Variants in NDUFS4 observed in about 807,000 individuals in gnomAD.
NDUFS4 encodes NADH dehydrogenase [ubiquinone] iron-sulfur protein 4, mitochondrial.
A neutral mutation model predicts 24.3 loss-of-function variants in NDUFS4; 28 were observed. That is an observed-to-expected ratio of 1.15 (90% CI 0.85 to 1.58). NDUFS4 has a LOEUF of 1.58. Among genes scored for constraint, NDUFS4 ranks in the 40% most tolerant of loss-of-function variants. NDUFS4 has a pLI of 0.00. For missense variants in NDUFS4, 223 were observed against 207.9 expected (o/e 1.07, Z -0.45); for synonymous variants, 93 against 69.7 (o/e 1.34, Z -1.67).
chr5:53,572,980 T>G (rs1341146524), intron 1 of NDUFS4, among the ~76,000 whole-genome samples: 1 of 148,780 alleles, frequency 6.7e-6, no homozygotes, highest in Non-Finnish European at 1.5e-5. Context: ...GTTTTTTTTT[T>G]TTTTTAAGAG....
At chr5:53,621,981 T>C (rs899683815) in intron 2 of NDUFS4, among the ~76,000 whole-genome samples, 1 of 152,122 alleles carries the variant, frequency 6.6e-6, no homozygotes, top group Non-Finnish European at 1.5e-5. Flanking sequence ...ATTACAGGCG[T>C]GAGCCACCGC....
intron 2 of NDUFS4, among the ~76,000 whole-genome samples, chr5:53,642,057 G>A (rs1751720466): frequency 6.6e-6 from 1 of 152,058 alleles, no homozygotes; most frequent in Non-Finnish European, 1.5e-5. Context: ...GCTTTTCTGG[G>A]CGTACTGAGA....
At chr5:53,647,221 A>G (rs1201560582) in intron 3 of NDUFS4, among the ~76,000 whole-genome samples, 2 of 151,764 alleles carry the variant, frequency 1.3e-5, no homozygotes, top group African/African-American at 4.8e-5. Flanking sequence ...TTTATTTATT[A>G]TTTTCTTTAG....
chr5:53,582,805 C>T (rs1486184286), intron 1 of NDUFS4, among the ~76,000 whole-genome samples: 2 of 152,174 alleles, frequency 1.3e-5, no homozygotes, highest in African/African-American at 4.8e-5. Context: ...ATAGATACTT[C>T]ATATAATAGA....
chr5:53,584,605 G>T (rs900499224), intron 1 of NDUFS4, among the ~76,000 whole-genome samples: 1 of 152,028 alleles, frequency 6.6e-6, no homozygotes, highest in Non-Finnish European at 1.5e-5. Context: ...CTCCCAAAGT[G>T]CTGGGATTAC....
At chr5:53,674,910 T>G (rs1485495139) in intron 4 of NDUFS4, among the ~76,000 whole-genome samples, 1 of 152,138 alleles carries the variant, frequency 6.6e-6, no homozygotes, top group Non-Finnish European at 1.5e-5. Context: ...CCTTGCTGTT[T>G]TATTAAACCA....
intron 4 of NDUFS4, among the ~76,000 whole-genome samples, chr5:53,676,403 C>T (rs1019708248): frequency 1.3e-5 from 2 of 152,178 alleles, no homozygotes. Flanking sequence ...CTGACCAGTA[C>T]ATAACCTTGT....
At chr5:53,676,878 A>G (rs776406961) in intron 4 of NDUFS4, among the ~76,000 whole-genome samples, 12 of 152,120 alleles carry the variant, frequency 7.9e-5, no homozygotes, top group Non-Finnish European at 1.5e-4. Context: ...TTTCCTCCCA[A>G]TGTTTAATCC....
At chr5:53,678,000 A>G (rs1227322935) in intron 4 of NDUFS4, among the ~76,000 whole-genome samples, 2 of 152,230 alleles carry the variant, frequency 1.3e-5, no homozygotes, top group Non-Finnish European at 2.9e-5. Context: ...TTACTGAACC[A>G]TAAATGAAAT....
chr5:53,623,261 G>C (rs1019633400), intron 2 of NDUFS4, among the ~76,000 whole-genome samples: 4 of 152,088 alleles, frequency 2.6e-5, no homozygotes, highest in South Asian at 2.1e-4. Context: ...CAGTTTCTCT[G>C]CATCCTCACC....
chr5:53,591,462 G>GT (rs1554054834), intron 1 of NDUFS4, among the ~76,000 whole-genome samples: 1 of 7,000 alleles, frequency 1.4e-4, no homozygotes. Context: ...TGTTTTTTTT[G>GT]GGGGGGGGGG....
chr5:53,667,056 T>C (rs971484964), intron 4 of NDUFS4, among the ~76,000 whole-genome samples: 1 of 152,252 alleles, frequency 6.6e-6, no homozygotes, highest in African/African-American at 2.4e-5. Flanking sequence ...ATAGTACTTA[T>C]GATCTGCCTT....
chr5:53,585,181 C>G (rs935372703), intron 1 of NDUFS4, among the ~76,000 whole-genome samples: 4 of 152,264 alleles, frequency 2.6e-5, no homozygotes, highest in Admixed American at 2.0e-4. Flanking sequence ...TAGGTTGGTT[C>G]TGTGATTAAA....
At chr5:53,646,132 A>G (rs1353134724) in intron 2 of NDUFS4, 101 bp from the exon 3 acceptor site, 1 of 997,064 alleles carries the variant, frequency 1.0e-6, no homozygotes, top group South Asian at 1.4e-5. Context: ...CAATTTATGA[A>G]CAAATCTGAA....
intron 2 of NDUFS4, among the ~76,000 whole-genome samples, chr5:53,624,885 A>C (rs186833600): frequency 6.6e-6 from 1 of 152,244 alleles, no homozygotes; most frequent in East Asian, 1.9e-4. Flanking sequence ...AGTGGGCATC[A>C]TTGTCTTTTT....
intron 3 of NDUFS4, among the ~76,000 whole-genome samples, chr5:53,647,868 G>T (rs549696169): frequency 6.8e-4 from 103 of 152,144 alleles, no homozygotes; most frequent in African/African-American, 2.4e-3. Flanking sequence ...AGTTTAAATA[G>T]AATTATATTT....
chr5:53,676,098 C>A (rs973892100), intron 4 of NDUFS4, among the ~76,000 whole-genome samples: 18 of 152,104 alleles, frequency 1.2e-4, no homozygotes, highest in Admixed American at 2.0e-4. Context: ...GGGAGCCAGG[C>A]AAATGTTATA....
chr5:53,613,198 C>T (rs1375624008), intron 2 of NDUFS4, among the ~76,000 whole-genome samples: 9 of 151,858 alleles, frequency 5.9e-5, no homozygotes, highest in Admixed American at 2.6e-4. Context: ...GTAGTGTCTG[C>T]GATTGGGGTT....
intron 2 of NDUFS4, among the ~76,000 whole-genome samples, chr5:53,636,245 G>A (rs1286020934): frequency 1.3e-5 from 2 of 152,126 alleles, no homozygotes; most frequent in Non-Finnish European, 2.9e-5. Context: ...TTCCTGGTTT[G>A]CAGTCTGAAT....
Sources: allele counts gnomAD v4.1 joint callset (sites outside exome capture counted in the v4.1 genomes callset), GRCh38; gene constraint gnomAD v4.1.1; transcripts MANE v1.5; gene names NCBI Gene and HGNC (gene_info 2026-07-23, HGNC 2026-07-21).